The following MGAT5B variants were observed in gnomAD, a reference collection of about 807,000 sequenced individuals.
The protein encoded by MGAT5B is N-acetylglucosaminyl-transferase Vb.
In MGAT5B, 54 loss-of-function variants were observed where a neutral mutation model predicts 95.1. The ratio of observed to expected loss-of-function variants is 0.57; its 90% CI spans 0.46 to 0.71. The LOEUF (loss-of-function observed/expected upper bound fraction) is 0.71, where lower values mean the gene tolerates loss of function less well. MGAT5B is among the 30% of genes least tolerant of loss of function. The pLI is 0.00. For synonymous variants in MGAT5B, 464 were observed against 451.0 expected, an observed-to-expected ratio of 1.03 and a Z score of -0.36; for missense variants, 935 against 1,088.6, an observed-to-expected ratio of 0.86 and a Z score of 1.99.
intron 15 of MGAT5B, among the ~76,000 whole-genome samples, chr17:76,941,854 G>A (rs1969871358): frequency 6.6e-6 from 1 of 152,222 alleles, no homozygotes; most frequent in Admixed American, 6.5e-5. Flanking sequence ...CACCACGGGG[G>A]CCTCTGCAAG....
rs1310307059 is a variant in MGAT5B at position 76,916,989 on chromosome 17, C to T, written c.1026-7977C>T. On this transcript the variant is annotated intron_variant, in intron 8 of 17. Transcript: ENST00000569840. This position sits in a 1 kb window ranked among gnomAD's most constrained non-coding sequence, Gnocchi z 5.3. Reference sequence around the variant, plus strand: ...TTATTCTGGGTGAAGCCGGCAGAAGCACAGGGTGGTACGAATAACCCCCTA... The same window carrying T: ...TTATTCTGGGTGAAGCCGGCAGAAGTACAGGGTGGTACGAATAACCCCCTA... 6.6e-6 allele frequency among the ~76,000 whole-genome samples: 1 copy of T among 152,276 alleles called. No homozygotes were observed. Among genetic ancestry groups the T allele is most frequent in the South Asian group, 2.1e-4 (1 of 4,822 alleles).
chr17:76,937,420 G>A (rs751894191), intron 12 of MGAT5B, among the ~76,000 whole-genome samples: 1 of 152,044 alleles, frequency 6.6e-6, no homozygotes, highest in Non-Finnish European at 1.5e-5. Flanking sequence ...GTGGGTGGAT[G>A]AGTGGATGGG....
At chr17:76,910,151 C>T (rs532932457) in intron 8 of MGAT5B, among the ~76,000 whole-genome samples, 84 of 152,286 alleles carry the variant, frequency 5.5e-4, no homozygotes, top group Middle Eastern at 3.4e-3. Context: ...AACAGCACGT[C>T]CCTCACTCTG....
Position 76,914,321 on chromosome 17 carries a change from G to C in MGAT5B, c.1025+8134G>C, listed in dbSNP as rs1296155938. Among the ~76,000 whole-genome samples, 1 of 152,198 alleles carries C rather than the reference G, an allele frequency of 6.6e-6. No individual in the cohort carries two copies. Among genetic ancestry groups the C allele is most frequent in the African/African-American group, 2.4e-5 (1 of 41,430 alleles). ...GTGAGTGTCTGCACTCCTCCAAGGAGCTTGGCCAGGAGCCGGGAGGAGAAA... is the reference window on the plus strand; with the variant it reads ...GTGAGTGTCTGCACTCCTCCAAGGACCTTGGCCAGGAGCCGGGAGGAGAAA... On this transcript the variant is annotated intron_variant, in intron 8 of 17. Coordinates refer to ENST00000569840, the MANE Select transcript of MGAT5B (RefSeq NM_001199172.2). The surrounding 1 kb of genome is among the most constrained non-coding windows in gnomAD (Gnocchi z 5.1).
chr17:76,907,073 T>C (rs1034187442), intron 8 of MGAT5B, among the ~76,000 whole-genome samples: 1 of 151,046 alleles, frequency 6.6e-6, no homozygotes, highest in African/African-American at 2.4e-5. Flanking sequence ...TTTTTTTTAA[T>C]GGAGTTTCTC....
chr17:76,903,803 G>A (rs936821844), intron 5 of MGAT5B, among the ~76,000 whole-genome samples: 7 of 152,218 alleles, frequency 4.6e-5, no homozygotes, highest in Non-Finnish European at 8.8e-5. Context: ...AGGGGTGGGC[G>A]GTGGTGCCGC....
intron 3 of MGAT5B, among the ~76,000 whole-genome samples, chr17:76,891,725 A>G (rs552058740): frequency 7.2e-5 from 11 of 152,326 alleles, no homozygotes; most frequent in African/African-American, 2.6e-4. Context: ...GGACACAGAC[A>G]TGGTTCATAG....
At position 76,868,820 on chromosome 17, in the gene MGAT5B, C is replaced by CGGGCGCCCT. The variant is rs1824497762; in HGVS notation, c.-209_-201dup. The CGGGCGCCCT allele has an allele frequency of 3.2e-6, 1 of 316,104 alleles. No homozygotes were observed. The highest frequency in any genetic ancestry group is 5.0e-5 in the East Asian group (1 of 19,810). 19.6% of individuals were successfully genotyped at this position (316,104 alleles called of 1,614,324 possible). A position where few individuals can be genotyped will look rare whatever the true frequency, so the allele number is the denominator to read the frequency against. ...GGCGGAGACGCAGAGACGGCCCGGC[C>CGGGCGCCCT]GGGCGCCCTCGCCGCCCTCCGGCAG... On this transcript the variant is annotated 5_prime_UTR_variant, in exon 1 of 18. Coordinates refer to ENST00000569840, the MANE Select transcript of MGAT5B (RefSeq NM_001199172.2). This position sits in a 1 kb window ranked among gnomAD's most constrained non-coding sequence, Gnocchi z 6.3.
chr17:76,869,150 G>A lies in MGAT5B; in HGVS notation c.68+53G>A, dbSNP rs893560664. On this transcript the variant is annotated intron_variant, in intron 1 of 17. Transcript: ENST00000569840. This position sits in a 1 kb window ranked among gnomAD's most constrained non-coding sequence, Gnocchi z 7.0. ...CCCCAGGGGGGCGCCGGGTGGAGGT[G>A]GGCGAGGTCGGTTCCTGCGAACGTT... The A allele has an allele frequency of 2.0e-6, 3 of 1,513,728 alleles. No homozygotes were observed. The highest frequency in any genetic ancestry group is 1.8e-6 in the Non-Finnish European group (2 of 1,088,828). 93.8% of individuals were successfully genotyped at this position (1,513,728 alleles called of 1,614,324 possible).
rs1441020713 is a variant in MGAT5B at position 76,946,461 on chromosome 17, C to T, written c.1923+11C>T. The T allele has an allele frequency of 3.2e-6, 5 of 1,572,282 alleles. No homozygotes were observed. The highest frequency in any genetic ancestry group is 2.7e-5 in the African/African-American group (2 of 73,658). On this transcript the variant is annotated intron_variant, in intron 16 of 17. Transcript: ENST00000569840. ...TACATCCAGCACCAGGTCAGTGAGCCCTCTGGTCCCTGCCCCAGATCCTGT... is the reference window on the plus strand; with the variant it reads ...TACATCCAGCACCAGGTCAGTGAGCTCTCTGGTCCCTGCCCCAGATCCTGT...
chr17:76,946,309 G>C (rs773684664), intron 15 of MGAT5B, 67 bp from the exon 16 acceptor site: 1 of 1,406,670 alleles, frequency 7.1e-7, no homozygotes, highest in African/African-American at 1.4e-5. Flanking sequence ...CCCCAATGCC[G>C]AGCATGGCAG....
intron 12 of MGAT5B, among the ~76,000 whole-genome samples, chr17:76,935,878 AT>A (rs1969645183): frequency 2.4e-5 from 2 of 83,956 alleles, no homozygotes; most frequent in Non-Finnish European, 2.7e-5. Context: ...CATTATATAT[AT>A]TATATATTAT....
At chr17:76,947,231 G>T (rs1205706506) in intron 16 of MGAT5B, among the ~76,000 whole-genome samples, 2 of 152,174 alleles carry the variant, frequency 1.3e-5, no homozygotes, top group African/African-American at 4.8e-5. Flanking sequence ...TTTCCATCTT[G>T]TTGGCCCCAC....
intron 2 of MGAT5B, among the ~76,000 whole-genome samples, chr17:76,877,693 A>G (rs1332846574): frequency 3.3e-5 from 5 of 152,168 alleles, no homozygotes; most frequent in Non-Finnish European, 7.3e-5. Context: ...GAGTACAGAG[A>G]GATAAATGTG....
At chr17:76,896,957 C>T (rs554666956) in intron 3 of MGAT5B, among the ~76,000 whole-genome samples, 6 of 152,182 alleles carry the variant, frequency 3.9e-5, no homozygotes, top group Non-Finnish European at 7.4e-5. Flanking sequence ...CTTGTTCTGT[C>T]ACCCAGGCTG....
intron 2 of MGAT5B, 76 bp downstream of exon 2, chr17:76,873,039 AG>A: frequency 6.5e-7 from 1 of 1,538,234 alleles, no homozygotes; most frequent in Non-Finnish European, 8.9e-7. Flanking sequence ...CTCTGAGCCT[AG>A]CCCTGTACCT....
At chr17:76,911,176 G>A (rs1317602773) in intron 8 of MGAT5B, among the ~76,000 whole-genome samples, 1 of 152,202 alleles carries the variant, frequency 6.6e-6, no homozygotes, top group Non-Finnish European at 1.5e-5. Flanking sequence ...ACAAATTGAA[G>A]CTCCCAGTGA....
chr17:76,903,438 C>A (rs1968396653), intron 5 of MGAT5B, 62 bp downstream of exon 5: 2 of 1,426,980 alleles, frequency 1.4e-6, no homozygotes, highest in Non-Finnish European at 1.9e-6. Context: ...CTGGCCCTGG[C>A]CCCTCACCCA....
At chr17:76,881,166 C>T (rs1967397323) in intron 2 of MGAT5B, among the ~76,000 whole-genome samples, 3 of 152,164 alleles carry the variant, frequency 2.0e-5, no homozygotes, top group South Asian at 2.1e-4. Flanking sequence ...AACTCGCTCC[C>T]GCACACTGGC....
Sources: gnomAD v4.1 joint callset for allele counts (sites outside exome capture counted in the v4.1 genomes callset) on GRCh38, gnomAD v4.1.1 for gene constraint, Gnocchi (gnomAD v3.1) non-coding constraint, MANE v1.5 for transcripts, NCBI Gene and HGNC (gene_info 2026-07-23, HGNC 2026-07-21) for gene names.